The following L2HGDH variants were observed in gnomAD, a reference collection of about 807,000 sequenced individuals.
The protein encoded by L2HGDH is L-2-hydroxyglutarate dehydrogenase.
Under a neutral mutation model 51.5 loss-of-function variants are expected in L2HGDH, and 34 were observed. The ratio of observed to expected loss-of-function variants is 0.66; its 90% confidence interval spans 0.50 to 0.88. The LOEUF is 0.88. Among genes scored for constraint, L2HGDH ranks in the 40% least tolerant of loss-of-function variants. The pLI, the probability that L2HGDH is intolerant of heterozygous loss-of-function variation, is 0.00. For synonymous variants in L2HGDH, 198 were observed against 197.9 expected (o/e 1.00, Z -0.01); for missense variants, 558 against 571.9 (o/e 0.98, Z 0.25).
intron 4 of L2HGDH, among the ~76,000 whole-genome samples, chr14:50,292,839 G>A (rs997561344): frequency 6.6e-6 from 1 of 152,116 alleles, no homozygotes; most frequent in African/African-American, 2.4e-5. Flanking sequence ...AAGCCGAGAT[G>A]GTGGCACTGC....
At chr14:50,255,554 G>GAAAAGA (rs1888619011) in intron 9 of L2HGDH, among the ~76,000 whole-genome samples, 3 of 106,548 alleles carry the variant, frequency 2.8e-5, no homozygotes. Context: ...AAAAAAAAAA[G>GAAAAGA]AAAAGAAAAA....
Position 50,302,051 on chromosome 14 carries a change from T to A in L2HGDH, c.374A>T (p.Gln125Leu). The A allele has an allele frequency of 6.2e-7, 1 of 1,614,212 alleles. No homozygotes were observed. The highest frequency in any genetic ancestry group is 8.5e-7 in the Non-Finnish European group (1 of 1,180,038). The change falls in exon 3 of 10, where the codon CAG becomes CTG. Residue 125 changes from glutamine to leucine, a missense_variant. Gln to Leu is a moderately radical substitution (Grantham distance 113). Coordinates refer to ENST00000267436, the MANE Select transcript of L2HGDH (RefSeq NM_024884.3). ...QGAALLYEYCQQKGISYKQCG... is the reference protein window; with the variant it reads ...QGAALLYEYCLQKGISYKQCG... ...CTGCTTGTAGGAAATTCCCTTTTGC[T>A]GACAGTACTCATAGAGGAGGGCTGC...
chr14:50,308,177 C>T (rs962056168), intron 1 of L2HGDH, among the ~76,000 whole-genome samples: 9 of 152,072 alleles, frequency 5.9e-5, no homozygotes, highest in African/African-American at 2.2e-4. Flanking sequence ...GATCACCTGA[C>T]GTCAGGAGTT....
intron 1 of L2HGDH, among the ~76,000 whole-genome samples, chr14:50,304,425 A>C (rs1485246840): frequency 6.6e-6 from 1 of 152,258 alleles, no homozygotes; most frequent in Non-Finnish European, 1.5e-5. Context: ...AATTTTTACA[A>C]GTTTTTCTTT....
At chr14:50,303,691 C>T (rs1201817887) in intron 1 of L2HGDH, among the ~76,000 whole-genome samples, 3 of 150,270 alleles carry the variant, frequency 2.0e-5, no homozygotes, top group African/African-American at 7.4e-5. Context: ...GCTGGAGAAT[C>T]GCTTGAACCT....
intron 3 of L2HGDH, among the ~76,000 whole-genome samples, chr14:50,294,575 G>A (rs2029918700): frequency 6.6e-6 from 1 of 152,210 alleles, no homozygotes; most frequent in Non-Finnish European, 1.5e-5. Context: ...CCAGAAAGGA[G>A]AGAAGCATAA....
At chr14:50,280,808 C>G (rs1006839632) in intron 5 of L2HGDH, among the ~76,000 whole-genome samples, 8 of 150,848 alleles carry the variant, frequency 5.3e-5, no homozygotes, top group African/African-American at 2.0e-4. Flanking sequence ...GCCACTGCGC[C>G]CAGCCCTAAA....
In L2HGDH at chr14:50,306,814, T is replaced by A. The variant is rs1472339294; in HGVS notation, c.141-3797A>T. Among the ~76,000 whole-genome samples the A allele has an allele frequency of 7.2e-5, 11 of 151,984 alleles. No homozygotes were observed. In the East Asian group the frequency reaches 2.1e-3, roughly 29 times the overall value. Reference sequence around the variant, plus strand: ...GTGAAAGTTTTGTTTATACTGAAAATTTTTTTTTAAAAAATTTTGGAGTCA... The same window carrying A: ...GTGAAAGTTTTGTTTATACTGAAAAATTTTTTTTAAAAAATTTTGGAGTCA... On this transcript the variant is annotated intron_variant, in intron 1 of 9. Coordinates refer to ENST00000267436, the MANE Select transcript of L2HGDH (RefSeq NM_024884.3).
At chr14:50,256,662 TCTAA>T (rs1666033419) in intron 9 of L2HGDH, among the ~76,000 whole-genome samples, 1 of 152,186 alleles carries the variant, frequency 6.6e-6, no homozygotes, top group Non-Finnish European at 1.5e-5. Context: ...TTTTATGCTA[TCTAA>T]CCTGATTTTC....
At chr14:50,303,774 CCT>C (rs1466261410) in intron 1 of L2HGDH, among the ~76,000 whole-genome samples, 1 of 140,500 alleles carries the variant, frequency 7.1e-6, no homozygotes, top group Non-Finnish European at 1.5e-5. Context: ...AGCGCCAGAC[CCT>C]GTCTCAAAAA....
At chr14:50,294,314 C>T in intron 3 of L2HGDH, 68 bp from the exon 4 acceptor site, 1 of 1,523,246 alleles carries the variant, frequency 6.6e-7, no homozygotes, top group Non-Finnish European at 9.0e-7. Flanking sequence ...AAGATAAAGT[C>T]AATGGAAAAT....
intron 1 of L2HGDH, chr14:50,311,415 T>G (rs540568682): frequency 4.4e-6 from 2 of 456,070 alleles, no homozygotes; most frequent in South Asian, 1.5e-5. Context: ...CCTTACAGCC[T>G]TCACACAAAC....
intron 9 of L2HGDH, among the ~76,000 whole-genome samples, chr14:50,251,479 C>T (rs186082127): frequency 4.1e-4 from 62 of 152,174 alleles, no homozygotes; most frequent in African/African-American, 1.4e-3. Flanking sequence ...TAACAGAGAA[C>T]TTCCCAAACC....
Position 50,261,576 on chromosome 14 carries a change from G to C in L2HGDH, c.1196+3782C>G, listed in dbSNP as rs1179212916. On this transcript the variant is annotated intron_variant, in intron 9 of 9. Coordinates refer to ENST00000267436, the MANE Select transcript of L2HGDH (RefSeq NM_024884.3). Reference sequence around the variant, plus strand: ...TGGCTAACTGTAGCTTCAGCATCCTGGGCTCAAGGGATCTTGCCACTTAAG... The same window carrying C: ...TGGCTAACTGTAGCTTCAGCATCCTCGGCTCAAGGGATCTTGCCACTTAAG... 9.2e-5 allele frequency among the ~76,000 whole-genome samples: 14 copies of C among 152,024 alleles called. 2 individuals carry two copies. The highest frequency in any genetic ancestry group is 9.2e-4 in the Admixed American group (14 of 15,252).
intron 9 of L2HGDH, among the ~76,000 whole-genome samples, chr14:50,260,100 C>T (rs910640439): frequency 2.0e-4 from 30 of 152,002 alleles, no homozygotes; most frequent in African/African-American, 6.5e-4. Context: ...TGGTGGTATA[C>T]GTTCAAAATC....
At chr14:50,300,985 C>G (rs1566538276) in intron 3 of L2HGDH, among the ~76,000 whole-genome samples, 1 of 152,030 alleles carries the variant, frequency 6.6e-6, no homozygotes, top group African/African-American at 2.4e-5. Flanking sequence ...CCACCGCACC[C>G]GGCTAACTTT....
chr14:50,303,032 C>A lies in L2HGDH; in HGVS notation c.141-15G>T, dbSNP rs1221703745. On this transcript the variant is annotated splice_polypyrimidine_tract_variant and intron_variant, in intron 1 of 9. Coordinates refer to ENST00000267436, the MANE Select transcript of L2HGDH (RefSeq NM_024884.3). ...TATCAAATGAGCTTCAAAAGAAAGT[C>A]ATCTTTAAAGTAATTCATATTTACA... The A allele has an allele frequency of 3.3e-6, 5 of 1,517,484 alleles. No homozygotes were observed. The highest frequency in any genetic ancestry group is 4.6e-6 in the Non-Finnish European group (5 of 1,092,332). The allele number at this position is 1,517,484 out of a possible 1,614,324, so 94.0% of individuals were successfully genotyped here. A position where few individuals can be genotyped will look rare whatever the true frequency, so the allele number is the denominator to read the frequency against.
chr14:50,269,083 C>A (rs1176208445), intron 7 of L2HGDH, 80 bp downstream of exon 7: 7 of 1,117,392 alleles, frequency 6.3e-6, no homozygotes, highest in African/African-American at 1.6e-5. Context: ...TATTTCTGAC[C>A]CAAGTGAAAG....
intron 6 of L2HGDH, among the ~76,000 whole-genome samples, chr14:50,270,258 T>C (rs1047001034): frequency 2.6e-5 from 4 of 152,230 alleles, no homozygotes; most frequent in African/African-American, 9.6e-5. Context: ...GATTATCATC[T>C]GCTTATTTTT....
Sources: gnomAD v4.1 joint callset for allele counts (sites outside exome capture counted in the v4.1 genomes callset) on GRCh38, gnomAD v4.1.1 for gene constraint, MANE v1.5 for transcripts, NCBI Gene and HGNC (gene_info 2026-07-23, HGNC 2026-07-21) for gene names.